Variants in ADGRB1 observed in about 807,000 individuals in gnomAD.
The protein encoded by ADGRB1 is adhesion G protein-coupled receptor B1.
A neutral mutation model predicts 175.7 loss-of-function variants in ADGRB1; 36 were observed. The observed-to-expected ratio is 0.20, with a 90% CI of 0.16 to 0.27. The LOEUF (loss-of-function observed/expected upper bound fraction) is 0.27. ADGRB1 is among the 10% of genes least tolerant of loss of function. The pLI is 1.00. For missense variants in ADGRB1, 1,731 were observed against 2,255.3 expected (o/e 0.77, Z 4.71); for synonymous variants, 1,054 against 979.4 (o/e 1.08, Z -1.42).
In ADGRB1 at chr8:142,543,694, G is replaced by C; in HGVS notation, c.4543G>C (p.Gly1515Arg). ...AGCGGAGAAGGACAAGGAGGTGCTG[G>C]GGCCGGACAGCAAGGTCTGGAGGGC... ...HAAEKDKEVLGPDSKPEKQQT... is the reference protein window; with the variant it reads ...HAAEKDKEVLRPDSKPEKQQT... Residue 1515 changes from glycine (G) to arginine (R), a missense_variant, in exon 30 of 31, where the codon GGG becomes CGG. This residue lies in a region of ADGRB1 where 394 missense variants were observed against 410.2 expected (regional missense o/e 0.96). Coordinates refer to ENST00000517894, the MANE Select transcript of ADGRB1 (RefSeq NM_001702.3). The surrounding 1 kb of genome is among the most constrained non-coding windows in gnomAD (Gnocchi z 4.4). 1 of 1,557,462 alleles carries C rather than the reference G, an allele frequency of 6.4e-7. No homozygotes were observed. Among genetic ancestry groups the C allele is most frequent in the Non-Finnish European group, 8.7e-7 (1 of 1,150,796 alleles).
rs752260025 is a variant in ADGRB1, at chr8:142,542,617, T to A, written c.4383T>A (p.Asn1461Lys). The A allele has an allele frequency of 6.5e-7, 1 of 1,550,100 alleles. No homozygotes were observed. Among genetic ancestry groups the A allele is most frequent in the Middle Eastern group, 1.7e-4 (1 of 5,980 alleles). ...PSTGPSTKNE[N>K]VATLSVSSLE... Reference sequence around the variant, plus strand: ...CGGGGCCCAGCACCAAGAACGAGAATGTCGCCACCTTGTCTGTGAGCTCCC... The same window carrying A: ...CGGGGCCCAGCACCAAGAACGAGAAAGTCGCCACCTTGTCTGTGAGCTCCC... Residue 1461 changes from asparagine to lysine, a missense_variant, in exon 28 of 31, where the codon AAT becomes AAA. Coordinates refer to ENST00000517894, the MANE Select transcript of ADGRB1 (RefSeq NM_001702.3). The surrounding 1 kb of genome is among the most constrained non-coding windows in gnomAD (Gnocchi z 6.3).
intron 16 of ADGRB1, among the ~76,000 whole-genome samples, chr8:142,490,562 G>A (rs1841933505): frequency 6.6e-6 from 1 of 152,252 alleles, no homozygotes; most frequent in African/African-American, 2.4e-5. Context: ...GGCCACATGG[G>A]TGGTGGGGGC....
chr8:142,449,877 G>C lies in ADGRB1; in HGVS notation c.-447G>C, dbSNP rs1175761823. The C allele has an allele frequency of 1.4e-5, 2 of 147,654 alleles. No individual in the cohort carries two copies. The highest frequency in any genetic ancestry group is 4.9e-5 in the African/African-American group (2 of 40,880). The allele number at this position is 147,654 out of a possible 1,614,324, so 9.1% of individuals were successfully genotyped here. On this transcript the variant is annotated 5_prime_UTR_variant, in exon 1 of 31. Coordinates refer to ENST00000517894, the MANE Select transcript of ADGRB1 (RefSeq NM_001702.3). ...TCCGGACCCTCCGGGCGCCCGGGGG[G>C]CTCCAGCAGGCGCGGGGGAACGGGA...
chr8:142,501,670 T>A (rs569815001), intron 17 of ADGRB1, among the ~76,000 whole-genome samples: 30 of 134,924 alleles, frequency 2.2e-4, no homozygotes, highest in Admixed American at 1.9e-3. Flanking sequence ...GTGGTAGTGA[T>A]GTTTGTGTGG....
intron 24 of ADGRB1, among the ~76,000 whole-genome samples, chr8:142,530,057 T>TA (rs1367118492): frequency 6.6e-6 from 1 of 152,164 alleles, no homozygotes; most frequent in Non-Finnish European, 1.5e-5. Context: ...CAACCTGGTG[T>TA]ATATACATGT....
At chr8:142,453,048 GC>G (rs1563670167) in intron 1 of ADGRB1, among the ~76,000 whole-genome samples, 1 of 126,506 alleles carries the variant, frequency 7.9e-6, no homozygotes. Context: ...CCGCCCGCTC[GC>G]TCGCTCGCTC....
intron 19 of ADGRB1, among the ~76,000 whole-genome samples, chr8:142,519,845 G>C (rs1250631728): frequency 1.3e-5 from 2 of 151,476 alleles, no homozygotes; most frequent in Non-Finnish European, 2.9e-5. Flanking sequence ...TGGTGGTAGT[G>C]ATGGTAATGG....
chr8:142,506,211 A>G (rs551105503), intron 17 of ADGRB1, among the ~76,000 whole-genome samples: 1 of 152,278 alleles, frequency 6.6e-6, no homozygotes, highest in South Asian at 2.1e-4. Context: ...AGGAGTCCCA[A>G]TGGTGGCGGT....
rs555777829 is a variant in ADGRB1, at chr8:142,483,545, C to A, written c.2131-432C>A. Among the ~76,000 whole-genome samples the A allele has an allele frequency of 7.2e-5, 10 of 139,438 alleles. No individual in the cohort carries two copies. The East Asian group carries it at 1.9e-3, about 26-fold the overall frequency. 91.5% of individuals were successfully genotyped at this position (139,438 alleles called of 152,430 possible). ...CTGGCCTTGGTCACATGCTGAGCCT[C>A]AATCCTAGTCACACACTGAGCCCTG... On this transcript the variant is annotated intron_variant, in intron 11 of 30. Transcript: ENST00000517894.
At chr8:142,522,855 G>A (rs1031265320) in intron 22 of ADGRB1, 145 bp downstream of exon 22, 8 of 938,664 alleles carry the variant, frequency 8.5e-6, no homozygotes, top group Admixed American at 4.2e-5. Context: ...GGGCCCCAGG[G>A]GCTGGAGGCT....
At chr8:142,488,754 G>A (rs1309449741) in intron 14 of ADGRB1, among the ~76,000 whole-genome samples, 1 of 152,178 alleles carries the variant, frequency 6.6e-6, no homozygotes, top group Non-Finnish European at 1.5e-5. Flanking sequence ...ACGTGTCAAG[G>A]ACCCTGTTAC....
chr8:142,496,320 G>A (rs111372916), intron 17 of ADGRB1, among the ~76,000 whole-genome samples: 1 of 151,684 alleles, frequency 6.6e-6, no homozygotes, highest in African/African-American at 2.4e-5. Flanking sequence ...GTATGGATGG[G>A]TGGGTGGCTG....
At chr8:142,489,459 C>A (rs1192340394) in intron 16 of ADGRB1, 21 bp downstream of exon 16, 2 of 1,606,412 alleles carry the variant, frequency 1.2e-6, no homozygotes, top group Non-Finnish European at 1.7e-6. Context: ...TCCACGTGCA[C>A]ACTCTGATGC....
At chr8:142,528,109 CTA>C (rs1844327316) in intron 24 of ADGRB1, among the ~76,000 whole-genome samples, 1 of 152,218 alleles carries the variant, frequency 6.6e-6, no homozygotes, top group African/African-American at 2.4e-5. Flanking sequence ...GTACACCGGT[CTA>C]TGTGTGCACG....
rs1435190454 is a variant in ADGRB1, at chr8:142,464,750, C to T, written c.552C>T (p.Ala184=). 2.6e-5 allele frequency: 40 copies of T among 1,534,498 alleles called. No homozygotes were observed. Among genetic ancestry groups the T allele is most frequent in the Non-Finnish European group, 3.5e-5 (40 of 1,145,692 alleles). Residue 184 remains alanine, a synonymous_variant, in exon 2 of 31, where the codon GCC becomes GCT. Transcript: ENST00000517894. The stretch of plus-strand genomic sequence containing the variant: ...TGGGGAACCGCAACCCCAGCCGTGC[C>T]GCCTGCCAGATGCTGTGCCGCTGGC... The part of the protein sequence containing the change: ...LVVGNRNPSR[A]ACQMLCRWLD...
At chr8:142,518,478 G>A (rs1207957334) in intron 19 of ADGRB1, among the ~76,000 whole-genome samples, 1 of 152,150 alleles carries the variant, frequency 6.6e-6, no homozygotes, top group Non-Finnish European at 1.5e-5. Context: ...CACAGGGGGT[G>A]GGGCCTGGTT....
Position 142,464,469 on chromosome 8 carries a change from G to T in ADGRB1, c.271G>T (p.Val91Leu). ...CTACATGAAGGTGGCCAAGGCGCCC[G>T]TGCCCTGCAGCGGCCCCGGCCGCGT... ...TLYMKVAKAPVPCSGPGRVRT... is the reference protein window; with the variant it reads ...TLYMKVAKAPLPCSGPGRVRT... Residue 91 changes from valine (V) to leucine (L), a missense_variant, in exon 2 of 31, where the codon GTG becomes TTG. Val to Leu is a conservative substitution (Grantham distance 32, BLOSUM62 1). Around this residue, in one of 8 missense-constraint regions of ADGRB1, gnomAD observed 383 missense variants for 383.1 expected, o/e 1.00. Coordinates refer to ENST00000517894, the MANE Select transcript of ADGRB1 (RefSeq NM_001702.3). The T allele has an allele frequency of 6.3e-7, 1 of 1,580,328 alleles. No homozygotes were observed. The highest frequency in any genetic ancestry group is 8.6e-7 in the Non-Finnish European group (1 of 1,167,912).
At chr8:142,497,600 G>T (rs1842283209) in intron 17 of ADGRB1, among the ~76,000 whole-genome samples, 1 of 152,198 alleles carries the variant, frequency 6.6e-6, no homozygotes, top group South Asian at 2.1e-4. Context: ...GGAGGAGGAT[G>T]AGCCTCTCCC....
intron 15 of ADGRB1, 86 bp from the exon 16 acceptor site, chr8:142,489,250 G>A: frequency 1.9e-6 from 3 of 1,560,762 alleles, no homozygotes; most frequent in Non-Finnish European, 2.6e-6. Context: ...GGCGGGTACA[G>A]GGGCCCTCGG....
Sources: gnomAD v4.1 joint callset for allele counts (sites outside exome capture counted in the v4.1 genomes callset) on GRCh38, gnomAD v4.1.1 for gene constraint, gnomAD v4.1.1 regional missense constraint, Gnocchi (gnomAD v3.1) non-coding constraint, MANE v1.5 for transcripts, NCBI Gene and HGNC (gene_info 2026-07-23, HGNC 2026-07-21) for gene names.